The following DNAJC1 variants were observed in gnomAD, a reference collection of about 807,000 sequenced individuals.
DNAJC1 encodes DnaJ heat shock protein family (Hsp40) member C1.
A neutral mutation model predicts 76.6 loss-of-function variants in DNAJC1; 58 were observed. The observed-to-expected ratio is 0.76, with a 90% confidence interval of 0.61 to 0.94. DNAJC1 has a LOEUF of 0.94. Ranked by LOEUF, DNAJC1 falls within the 40% of genes least tolerant of loss-of-function variation. The probability of loss-of-function intolerance (pLI) is 0.00; values close to 1 mark genes in which losing one functional copy is unlikely to be tolerated. For missense variants in DNAJC1, 689 were observed against 677.3 expected (o/e 1.02, Z -0.19); for synonymous variants, 258 against 267.9 (o/e 0.96, Z 0.36).
chr10:21,756,782 G>C, intron 11 of DNAJC1, 27 bp from the exon 12 acceptor site: 1 of 1,607,946 alleles, frequency 6.2e-7, no homozygotes, highest in Non-Finnish European at 8.5e-7. Flanking sequence ...AGAGAGGTGA[G>C]AACAGTCACT....
intron 8 of DNAJC1, among the ~76,000 whole-genome samples, chr10:21,848,248 T>C (rs1835692552): frequency 6.6e-6 from 1 of 152,210 alleles, no homozygotes; most frequent in Non-Finnish European, 1.5e-5. Flanking sequence ...GTTGGCCATT[T>C]CTATGCCTTC....
chr10:21,924,392 A>G lies in DNAJC1; in HGVS notation c.372-3429T>C, dbSNP rs371303546. On this transcript the variant is annotated intron_variant, in intron 3 of 11. Coordinates refer to ENST00000376980, the MANE Select transcript of DNAJC1 (RefSeq NM_022365.4). Reference sequence around the variant, plus strand: ...CACATTCAACTTTTATAAATATAGTAACATGAAACAGACAAAAAATTTTAA... The same window carrying G: ...CACATTCAACTTTTATAAATATAGTGACATGAAACAGACAAAAAATTTTAA... Among the ~76,000 whole-genome samples, 4 of 152,320 alleles carry G rather than the reference A, an allele frequency of 2.6e-5. No individual in the cohort carries two copies. In the East Asian group the frequency reaches 7.7e-4, roughly 29 times the overall value.
chr10:21,767,717 C>T (rs1016941765), intron 9 of DNAJC1, among the ~76,000 whole-genome samples: 2 of 152,142 alleles, frequency 1.3e-5, no homozygotes, highest in Non-Finnish European at 2.9e-5. Context: ...GAATATTGAC[C>T]AGGCACAGTC....
intron 9 of DNAJC1, among the ~76,000 whole-genome samples, chr10:21,779,145 C>G (rs1347264551): frequency 2.6e-5 from 4 of 152,228 alleles, no homozygotes; most frequent in Non-Finnish European, 5.9e-5. Context: ...GGCCTGCCTG[C>G]CTCTGTAGAC....
chr10:21,919,815 TTTTTATATGCTCTCACC>T lies in DNAJC1; in HGVS notation c.635_635+16del. Reference sequence around the variant, plus strand: ...TAAAACAGCTTCAAATTATAAAGTATTTTTATATGCTCTCACCTTTCATTTTTTTCTGAAGCACCGAG... The same window carrying T: ...TAAAACAGCTTCAAATTATAAAGTATTTTCATTTTTTTCTGAAGCACCGAG... On this transcript the variant is annotated splice_donor_variant and splice_donor_5th_base_variant and coding_sequence_variant and intron_variant, in exon 5 of 12. Transcript: ENST00000376980. LOFTEE classifies it high-confidence loss of function. The T allele has an allele frequency of 6.4e-7, 1 of 1,557,576 alleles. No homozygotes were observed.
chr10:22,002,488 A>C (rs1388068837), intron 1 of DNAJC1, among the ~76,000 whole-genome samples: 4 of 152,168 alleles, frequency 2.6e-5, no homozygotes, highest in East Asian at 1.9e-4. Context: ...GGAAAAAAAA[A>C]CCCATTCCTA....
intron 8 of DNAJC1, among the ~76,000 whole-genome samples, chr10:21,834,465 C>G (rs542971110): frequency 1.3e-5 from 2 of 152,148 alleles, no homozygotes; most frequent in African/African-American, 4.8e-5. Flanking sequence ...GAGTACCAGA[C>G]AGTAGGTGCA....
intron 7 of DNAJC1, among the ~76,000 whole-genome samples, chr10:21,889,984 G>C (rs1836434574): frequency 6.6e-6 from 1 of 152,220 alleles, no homozygotes; most frequent in Non-Finnish European, 1.5e-5. Context: ...GGTGATGTGA[G>C]AGAGAAGGCT....
At chr10:21,852,861 T>C (rs1035315207) in intron 8 of DNAJC1, among the ~76,000 whole-genome samples, 1 of 152,144 alleles carries the variant, frequency 6.6e-6, no homozygotes, top group African/African-American at 2.4e-5. Flanking sequence ...AATATGCTTA[T>C]ATTGTGGAGG....
At chr10:21,978,550 T>C (rs1838101059) in intron 1 of DNAJC1, among the ~76,000 whole-genome samples, 1 of 152,108 alleles carries the variant, frequency 6.6e-6, no homozygotes, top group African/African-American at 2.4e-5. Context: ...GTCTATCAGT[T>C]GATTACATTT....
At chr10:21,830,544 C>T (rs1188127218) in intron 8 of DNAJC1, among the ~76,000 whole-genome samples, 1 of 152,030 alleles carries the variant, frequency 6.6e-6, no homozygotes, top group Non-Finnish European at 1.5e-5. Context: ...AACAGTTTCT[C>T]CTTGATTTGT....
At chr10:21,891,873 GAAGA>G (rs1345082750) in intron 7 of DNAJC1, among the ~76,000 whole-genome samples, 1 of 152,118 alleles carries the variant, frequency 6.6e-6, no homozygotes, top group Admixed American at 6.6e-5. Context: ...AACAAGGAAA[GAAGA>G]AAGGACAAAA....
rs185282412 is a variant in DNAJC1, at chr10:21,982,948, G to A, written c.222+20265C>T. Among the ~76,000 whole-genome samples, 23 of 152,266 alleles carry A rather than the reference G, an allele frequency of 1.5e-4. No homozygotes were observed. In the East Asian group the frequency reaches 4.4e-3, roughly 29 times the overall value. ...CGCACATCTATAATCCCAGCTACTT[G>A]GGAGTCTGAGGCAGGAGGACTGCTT... On this transcript the variant is annotated intron_variant, in intron 1 of 11. Transcript: ENST00000376980.
chr10:21,994,089 G>A (rs906617596), intron 1 of DNAJC1, among the ~76,000 whole-genome samples: 2 of 152,190 alleles, frequency 1.3e-5, no homozygotes, highest in Non-Finnish European at 2.9e-5. Context: ...TACATGAAAT[G>A]TATATTCAGA....
At chr10:21,829,763 G>T (rs577402643) in intron 8 of DNAJC1, among the ~76,000 whole-genome samples, 1 of 152,292 alleles carries the variant, frequency 6.6e-6, no homozygotes, top group South Asian at 2.1e-4. Context: ...TATTTAACTG[G>T]TAATTATAGC....
In DNAJC1 at chr10:21,920,829, A is replaced by G; in HGVS notation, c.506T>C (p.Val169Ala). ...FIILTVGHYA[V>A]VWSIYLEKQL... ...TTTTTCCAGGTAGATTGACCAAACC[A>G]CAGCATAATGACCCACTGTGAGAAT... The change falls in exon 4 of 12, where the codon GTG (valine) becomes GCG (alanine). Residue 169 changes from valine to alanine, a missense_variant. Physicochemically the swap from Val to Ala is moderately conservative, Grantham distance 64 (BLOSUM62 0). Transcript: ENST00000376980. 6.2e-7 allele frequency: 1 copy of G among 1,612,854 alleles called. No individual in the cohort carries two copies. Among genetic ancestry groups the G allele is most frequent in the Non-Finnish European group, 8.5e-7 (1 of 1,179,162 alleles).
intron 6 of DNAJC1, among the ~76,000 whole-genome samples, chr10:21,905,634 T>C (rs984844002): frequency 2.0e-5 from 3 of 152,214 alleles, no homozygotes; most frequent in Admixed American, 6.5e-5. Flanking sequence ...CTATAACTGC[T>C]TGTATCATGT....
intron 1 of DNAJC1, among the ~76,000 whole-genome samples, chr10:21,974,015 T>C (rs1838024463): frequency 6.7e-6 from 1 of 149,250 alleles, no homozygotes; most frequent in South Asian, 2.1e-4. Flanking sequence ...GGCAGGAGAA[T>C]CACTTGAACT....
rs1197987706 is a variant in DNAJC1 at position 21,919,856 on chromosome 10, A to C, written c.611T>G (p.Leu204Arg). Residue 204 changes from leucine (L) to arginine (R), a missense_variant, in exon 5 of 12, where the codon CTC becomes CGC. Physicochemically the swap from Leu to Arg is moderately radical, Grantham distance 102. Transcript: ENST00000376980. The stretch of plus-strand genomic sequence containing the variant: ...CCTTTCATTTTTTTCTGAAGCACCG[A>C]GTTTTGATACATCCACACTCTTGCT... ...TGSKSVDVSK[L>R]GASEKNERLL... 1 of 1,606,936 alleles carries C rather than the reference A, an allele frequency of 6.2e-7. No individual in the cohort carries two copies. The highest frequency in any genetic ancestry group is 1.3e-5 in the African/African-American group (1 of 74,380).
Sources: gnomAD v4.1 joint callset for allele counts (sites outside exome capture counted in the v4.1 genomes callset) on GRCh38, gnomAD v4.1.1 for gene constraint, MANE v1.5 for transcripts, NCBI Gene and HGNC (gene_info 2026-07-23, HGNC 2026-07-21) for gene names.